CAMSAP2: variants seen among roughly 807,000 people sequenced by gnomAD.
CAMSAP2 encodes calmodulin-regulated spectrin-associated protein 2.
CAMSAP2 carries 26 observed loss-of-function variants against 146.1 expected under a neutral mutation model. The observed-to-expected ratio is 0.18, with a 90% CI of 0.13 to 0.25. The LOEUF (loss-of-function observed/expected upper bound fraction) is 0.25. Among genes scored for constraint, CAMSAP2 ranks in the 10% least tolerant of loss-of-function variants. The probability of loss-of-function intolerance (pLI) is 1.00; values close to 1 mark genes in which losing one functional copy is unlikely to be tolerated. For synonymous variants in CAMSAP2, 499 were observed against 596.6 expected (o/e 0.84, Z 2.38); for missense variants, 1,381 against 1,759.3 (o/e 0.78, Z 3.85).
intron 2 of CAMSAP2, among the ~76,000 whole-genome samples, chr1:200,773,590 A>G (rs963573060): frequency 3.9e-5 from 6 of 152,162 alleles, no homozygotes; most frequent in East Asian, 1.9e-4. Context: ...ATTTCTATGC[A>G]TTCACTGCAG....
chr1:200,741,461 G>A (rs1664172263), intron 1 of CAMSAP2, among the ~76,000 whole-genome samples: 1 of 152,212 alleles, frequency 6.6e-6, no homozygotes, highest in African/African-American at 2.4e-5. Context: ...ACTGAAGCCG[G>A]TATCTATTTG....
intron 2 of CAMSAP2, among the ~76,000 whole-genome samples, chr1:200,766,023 A>G (rs1361037747): frequency 6.6e-6 from 1 of 152,202 alleles, no homozygotes; most frequent in Non-Finnish European, 1.5e-5. Context: ...CTATATTACA[A>G]AACACTTGGA....
intron 7 of CAMSAP2, among the ~76,000 whole-genome samples, chr1:200,844,346 G>T (rs1374792691): frequency 1.3e-5 from 2 of 151,662 alleles, no homozygotes; most frequent in African/African-American, 4.8e-5. Flanking sequence ...TCAAGAGTTC[G>T]AGACCAGCCT....
rs543078360 is a variant in CAMSAP2, at chr1:200,858,401, A to G, written c.*342A>G. The G allele has an allele frequency of 3.9e-4, 73 of 187,426 alleles. 1 individual carries two copies. Among genetic ancestry groups the G allele is most frequent in the Non-Finnish European group, 5.7e-4 (52 of 91,822 alleles). The allele number at this position is 187,426 out of a possible 1,614,324, so 11.6% of individuals were successfully genotyped here. A position where few individuals can be genotyped will look rare whatever the true frequency, so the allele number is the denominator to read the frequency against. ...TGAAATATGGTTAAGATTACAAATT[A>G]TGTGTTTTATTTGTTGCTTTTTTTT... On this transcript the variant is annotated 3_prime_UTR_variant, in exon 17 of 17. Transcript: ENST00000358823.
chr1:200,747,127 G>T (rs1664355845), intron 1 of CAMSAP2, among the ~76,000 whole-genome samples: 1 of 152,092 alleles, frequency 6.6e-6, no homozygotes, highest in African/African-American at 2.4e-5. Flanking sequence ...TTGAACTCCT[G>T]TATTCAAGCA....
intron 2 of CAMSAP2, among the ~76,000 whole-genome samples, chr1:200,796,954 G>A (rs1322704050): frequency 3.9e-5 from 6 of 152,050 alleles, no homozygotes; most frequent in African/African-American, 1.4e-4. Flanking sequence ...AGTTTACTGA[G>A]AATGATGATT....
At chr1:200,810,954 C>G (rs1322647349) in intron 3 of CAMSAP2, among the ~76,000 whole-genome samples, 1 of 152,110 alleles carries the variant, frequency 6.6e-6, no homozygotes, top group East Asian at 1.9e-4. Flanking sequence ...CTTCCCCATC[C>G]AAATACAACC....
chr1:200,832,196 G>A lies in CAMSAP2; in HGVS notation c.646-4G>A, dbSNP rs369060286. On this transcript the variant is annotated splice_region_variant and splice_polypyrimidine_tract_variant and intron_variant, in intron 4 of 16. Coordinates refer to ENST00000358823, the MANE Select transcript of CAMSAP2 (RefSeq NM_203459.4). This position sits in a 1 kb window ranked among gnomAD's most constrained non-coding sequence, Gnocchi z 4.2. ...TATTTTCATGTATTTTTTTTATATC[G>A]TAGGCTCGTTATCGGAAAGAGCAAA... is the stretch of plus-strand genomic sequence containing the variant. The A allele has an allele frequency of 4.3e-5, 69 of 1,595,054 alleles. No individual in the cohort carries two copies. The highest frequency in any genetic ancestry group is 3.4e-4 in the East Asian group (15 of 44,380).
At chr1:200,753,354 A>G (rs1664563242) in intron 1 of CAMSAP2, among the ~76,000 whole-genome samples, 1 of 151,460 alleles carries the variant, frequency 6.6e-6, no homozygotes, top group Non-Finnish European at 1.5e-5. Flanking sequence ...GCTGGATATC[A>G]AGCCCCTTCC....
At chr1:200,820,062 A>T (rs549500019) in intron 4 of CAMSAP2, among the ~76,000 whole-genome samples, 34 of 145,916 alleles carry the variant, frequency 2.3e-4, no homozygotes, top group Middle Eastern at 3.7e-3. Context: ...TTCTCAAAAA[A>T]TTTTTTTTTT....
At chr1:200,794,270 G>A (rs942185362) in intron 2 of CAMSAP2, among the ~76,000 whole-genome samples, 1 of 152,180 alleles carries the variant, frequency 6.6e-6, no homozygotes. Flanking sequence ...TTTGAACTGA[G>A]CAGACCCACT....
chr1:200,860,201 C>T lies in CAMSAP2; in HGVS notation c.*2142C>T, dbSNP rs1667844586. 1 of 152,548 alleles carries T rather than the reference C, an allele frequency of 6.6e-6. No homozygotes were observed. The highest frequency in any genetic ancestry group is 2.1e-4 in the South Asian group (1 of 4,826). 9.4% of individuals were successfully genotyped at this position (152,548 alleles called of 1,614,324 possible). ...ATATGGATATATTTCTTTAAGTCTG[C>T]AGATTTTTTTATTATGGTGCAGCTT... is the stretch of plus-strand genomic sequence containing the variant. On this transcript the variant is annotated 3_prime_UTR_variant, in exon 17 of 17. Coordinates refer to ENST00000358823, the MANE Select transcript of CAMSAP2 (RefSeq NM_203459.4).
At chr1:200,842,372 T>C (rs1667346455) in intron 7 of CAMSAP2, among the ~76,000 whole-genome samples, 1 of 152,194 alleles carries the variant, frequency 6.6e-6, no homozygotes, top group Non-Finnish European at 1.5e-5. Context: ...TTTTATTCCC[T>C]TTTAGATTCT....
At chr1:200,834,085 T>C (rs9287108) in intron 6 of CAMSAP2, among the ~76,000 whole-genome samples, 132,859 of 152,160 alleles carry the variant, frequency 0.87, 58,175 homozygotes, top group Middle Eastern at 0.93. Flanking sequence ...TAATCATGGC[T>C]GAGCATGGTG....
chr1:200,759,557 G>T (rs1317773616), intron 1 of CAMSAP2, among the ~76,000 whole-genome samples: 1 of 152,196 alleles, frequency 6.6e-6, no homozygotes, highest in Admixed American at 6.5e-5. Flanking sequence ...GATTACGGGC[G>T]TGAGCCACCG....
Position 200,859,552 on chromosome 1 carries a change from G to C in CAMSAP2, c.*1493G>C, listed in dbSNP as rs1667830673. The C allele has an allele frequency of 6.6e-6, 1 of 152,394 alleles. No homozygotes were observed. Among genetic ancestry groups the C allele is most frequent in the Non-Finnish European group, 1.5e-5 (1 of 67,890 alleles). The allele number at this position is 152,394 out of a possible 1,614,324, so 9.4% of individuals were successfully genotyped here. ...TCTCAAATGCTGTCAATATTTTACTGTAATTTATGTTCTTATATTTATGTA... is the reference window on the plus strand; with the variant it reads ...TCTCAAATGCTGTCAATATTTTACTCTAATTTATGTTCTTATATTTATGTA... On this transcript the variant is annotated 3_prime_UTR_variant, in exon 17 of 17. Coordinates refer to ENST00000358823, the MANE Select transcript of CAMSAP2 (RefSeq NM_203459.4).
chr1:200,814,237 A>G (rs1666416746), intron 3 of CAMSAP2, among the ~76,000 whole-genome samples: 1 of 152,052 alleles, frequency 6.6e-6, no homozygotes. Context: ...CCCTCCCCGA[A>G]TTGGTAAAGA....
chr1:200,817,065 CGTA>C (rs1208218068), intron 4 of CAMSAP2, among the ~76,000 whole-genome samples: 5 of 139,580 alleles, frequency 3.6e-5, no homozygotes, highest in African/African-American at 5.2e-5. Context: ...TATACACACA[CGTA>C]TATATGTGTA....
chr1:200,814,889 G>A (rs1023286431), intron 3 of CAMSAP2, among the ~76,000 whole-genome samples: 4 of 151,644 alleles, frequency 2.6e-5, no homozygotes, highest in Non-Finnish European at 5.9e-5. Flanking sequence ...TTACTAGAGT[G>A]ACCTTAAAAT....
Sources: allele counts gnomAD v4.1 joint callset (sites outside exome capture counted in the v4.1 genomes callset), GRCh38; gene constraint gnomAD v4.1.1; non-coding constraint Gnocchi (gnomAD v3.1); transcripts MANE v1.5; gene names NCBI Gene and HGNC (gene_info 2026-07-23, HGNC 2026-07-21).